The following NALCN variants were observed in gnomAD, a reference collection of about 807,000 sequenced individuals.
NALCN encodes the protein sodium leak channel, non-selective, also known as sodium leak channel NALCN.
A neutral mutation model predicts 225.3 loss-of-function variants in NALCN; 111 were observed. That is an observed-to-expected ratio of 0.49 (90% CI 0.42 to 0.58). The LOEUF (loss-of-function observed/expected upper bound fraction) is 0.58. Among genes scored for constraint, NALCN ranks in the 20% least tolerant of loss-of-function variants. NALCN has a pLI of 0.00. For synonymous variants in NALCN, 764 were observed against 769.0 expected, an observed-to-expected ratio of 0.99 and a Z score of 0.11; for missense variants, 1,378 against 2,202.4, an observed-to-expected ratio of 0.63 and a Z score of 7.49.
chr13:101,177,771 T>C (rs1356124674), intron 14 of NALCN, among the ~76,000 whole-genome samples: 1 of 152,194 alleles, frequency 6.6e-6, no homozygotes, highest in Non-Finnish European at 1.5e-5. Context: ...TCCCATTTGT[T>C]AATATTAGGT....
At chr13:101,330,808 A>G (rs540560) in intron 7 of NALCN, among the ~76,000 whole-genome samples, 152,163 of 152,206 alleles carry the variant, frequency 1, 76,060 homozygotes, top group Middle Eastern at 1. Context: ...TAAGCCTCAC[A>G]AGATCTGACG....
intron 42 of NALCN, chr13:101,058,425 GGCA>G: frequency 1.3e-5 from 2 of 152,466 alleles, no homozygotes; most frequent in South Asian, 1.9e-4. Context: ...GCTGGGCGGG[GGCA>G]GTCTACTGTC....
At chr13:101,215,314 G>C (rs1181815451) in intron 13 of NALCN, among the ~76,000 whole-genome samples, 1 of 152,124 alleles carries the variant, frequency 6.6e-6, no homozygotes, top group African/African-American at 2.4e-5. Context: ...AAAATGTTCA[G>C]AGCAGTACTG....
rs1178174301 is a variant in NALCN at position 101,268,285 on chromosome 13, G to A, written c.1135-9711C>T. Among the ~76,000 whole-genome samples the A allele has an allele frequency of 3.3e-5, 5 of 152,260 alleles. No homozygotes were observed. In the South Asian group the frequency reaches 1.0e-3, roughly 32 times the overall value. On this transcript the variant is annotated intron_variant, in intron 10 of 43. Coordinates refer to ENST00000251127, the MANE Select transcript of NALCN (RefSeq NM_052867.4). ...CCACCTTCATGTTTACTGATGTCAT[G>A]TTGGTGACTTGAAATTGGCCATGGT...
chr13:101,388,932 T>C (rs2047066380), intron 3 of NALCN, among the ~76,000 whole-genome samples: 1 of 152,194 alleles, frequency 6.6e-6, no homozygotes, highest in African/African-American at 2.4e-5. Context: ...GGGCCATTCA[T>C]GGCCCTCTAG....
intron 22 of NALCN, 92 bp from the exon 23 acceptor site, chr13:101,105,042 A>G: frequency 9.0e-7 from 1 of 1,114,178 alleles, no homozygotes; most frequent in Non-Finnish European, 1.3e-6. Flanking sequence ...ATCTACCTAA[A>G]ATCTCTTTTA....
chr13:101,360,814 C>A lies in NALCN; in HGVS notation c.645-15394G>T, dbSNP rs1304913092. On this transcript the variant is annotated intron_variant, in intron 6 of 43. Transcript: ENST00000251127. ...CAGGAGGCTCTAATTACCTCTGGTG[C>A]TCCTTGGACATTTCTGGGGAAATAG... 2.0e-5 allele frequency among the ~76,000 whole-genome samples: 3 copies of A among 152,212 alleles called. No homozygotes were observed. The East Asian group carries it at 5.8e-4, about 29-fold the overall frequency.
At chr13:101,069,190 T>C (rs2032659615) in intron 37 of NALCN, among the ~76,000 whole-genome samples, 1 of 152,238 alleles carries the variant, frequency 6.6e-6, no homozygotes, top group Non-Finnish European at 1.5e-5. Context: ...AGTTTTTCTC[T>C]GACTGAAGTA....
At chr13:101,330,036 CA>C (rs1334502373) in intron 7 of NALCN, among the ~76,000 whole-genome samples, 3 of 148,692 alleles carry the variant, frequency 2.0e-5, no homozygotes, top group Admixed American at 6.7e-5. Context: ...GAGACTGTTT[CA>C]AAAAAAATTA....
In NALCN at chr13:101,117,338, C is replaced by A. The variant is rs1012061286; in HGVS notation, c.2193-6112G>T. 4.9e-4 allele frequency among the ~76,000 whole-genome samples: 75 copies of A among 152,210 alleles called. 1 individual carries two copies. The highest frequency in any genetic ancestry group is 3.4e-4 in the Non-Finnish European group (23 of 68,030). On this transcript the variant is annotated intron_variant, in intron 18 of 43. Coordinates refer to ENST00000251127, the MANE Select transcript of NALCN (RefSeq NM_052867.4). ...ATTTCAGCATAAAAAATGTCTGCAA[C>A]CCCGCATCATTCACTGGGCTTCAAA...
intron 10 of NALCN, among the ~76,000 whole-genome samples, chr13:101,270,660 TGATA>T (rs2042747393): frequency 6.6e-6 from 1 of 152,236 alleles, no homozygotes; most frequent in South Asian, 2.1e-4. Flanking sequence ...CTGAACTGCC[TGATA>T]CACAAAGTGA....
intron 3 of NALCN, among the ~76,000 whole-genome samples, chr13:101,387,251 A>C (rs1419517758): frequency 6.8e-6 from 1 of 147,422 alleles, no homozygotes; most frequent in East Asian, 2.2e-4. Context: ...AAAAAAAAAA[A>C]AAACAGGTTA....
intron 15 of NALCN, among the ~76,000 whole-genome samples, 177 bp downstream of exon 15, chr13:101,176,123 A>G (rs990136266): frequency 4.6e-5 from 7 of 152,352 alleles, no homozygotes; most frequent in African/African-American, 1.7e-4. Flanking sequence ...GAGTAATAGA[A>G]AGTTTCCCTT....
intron 7 of NALCN, among the ~76,000 whole-genome samples, chr13:101,313,577 C>T (rs1187192047): frequency 6.6e-6 from 1 of 152,144 alleles, no homozygotes; most frequent in African/African-American, 2.4e-5. Context: ...AAAAAATGCT[C>T]ATCATCACTG....
intron 7 of NALCN, among the ~76,000 whole-genome samples, chr13:101,314,971 C>T (rs9557614): frequency 0.56 from 70,700 of 125,158 alleles, 16,896 homozygotes; most frequent in East Asian, 0.74. Flanking sequence ...GCTGCCTGAA[C>T]GTACCTCCAG....
intron 7 of NALCN, among the ~76,000 whole-genome samples, chr13:101,342,674 G>A (rs1427752912): frequency 6.6e-6 from 1 of 152,148 alleles, no homozygotes; most frequent in African/African-American, 2.4e-5. Context: ...GTGGTTTATA[G>A]TTACAGCTTT....
At chr13:101,172,629 G>A (rs187096162) in intron 15 of NALCN, among the ~76,000 whole-genome samples, 1 of 152,186 alleles carries the variant, frequency 6.6e-6, no homozygotes, top group Non-Finnish European at 1.5e-5. Context: ...GCGCCATCTT[G>A]GCTCACTGCA....
intron 3 of NALCN, among the ~76,000 whole-genome samples, chr13:101,386,265 GAAA>G (rs1377018320): frequency 6.6e-6 from 1 of 152,186 alleles, no homozygotes; most frequent in Non-Finnish European, 1.5e-5. Flanking sequence ...ATAAATTAGT[GAAA>G]GAGAAGTGCC....
intron 2 of NALCN, among the ~76,000 whole-genome samples, chr13:101,397,109 TAC>T (rs71121190): frequency 0.014 from 1,111 of 80,558 alleles, no homozygotes; most frequent in East Asian, 0.032. Context: ...TATATATATA[TAC>T]ATACACATAC....
Sources: allele counts gnomAD v4.1 joint callset (sites outside exome capture counted in the v4.1 genomes callset), GRCh38; gene constraint gnomAD v4.1.1; transcripts MANE v1.5; gene names NCBI Gene and HGNC (gene_info 2026-07-23, HGNC 2026-07-21).